Variants in GRIN3A observed in about 807,000 individuals in gnomAD.
The protein encoded by GRIN3A is glutamate ionotropic receptor NMDA type subunit 3A.
In GRIN3A, 47 loss-of-function variants were observed where a neutral mutation model predicts 92.4. The ratio of observed to expected loss-of-function variants is 0.51; its 90% CI spans 0.40 to 0.65. GRIN3A has a LOEUF of 0.65. GRIN3A is among the 30% of genes least tolerant of loss of function. The probability of loss-of-function intolerance (pLI) is 0.00; values close to 1 mark genes in which losing one functional copy is unlikely to be tolerated. For missense variants in GRIN3A, 1,324 were observed against 1,393.1 expected (o/e 0.95, Z 0.79); for synonymous variants, 527 against 540.6 (o/e 0.97, Z 0.35).
At chr9:101,684,242 A>G (rs1172897387) in intron 2 of GRIN3A, among the ~76,000 whole-genome samples, 1 of 148,150 alleles carries the variant, frequency 6.7e-6, no homozygotes, top group African/African-American at 2.5e-5. Flanking sequence ...AGCTGGGACT[A>G]CAGTCGCGGT....
chr9:101,617,984 T>G (rs1213077926), intron 5 of GRIN3A, among the ~76,000 whole-genome samples: 2 of 152,128 alleles, frequency 1.3e-5, no homozygotes, highest in East Asian at 3.9e-4. Context: ...AACTCATCAT[T>G]TTTTATGGCT....
intron 3 of GRIN3A, among the ~76,000 whole-genome samples, chr9:101,655,258 A>T (rs969904407): frequency 6.6e-6 from 1 of 151,904 alleles, no homozygotes; most frequent in Non-Finnish European, 1.5e-5. Context: ...CCTATTAGTC[A>T]TTTGGTACAT....
chr9:101,622,558 T>C (rs1188858780), intron 5 of GRIN3A, among the ~76,000 whole-genome samples: 1 of 152,220 alleles, frequency 6.6e-6, no homozygotes, highest in African/African-American at 2.4e-5. Context: ...AAAAATTTGC[T>C]GCCAGTGGAG....
At position 101,686,783 on chromosome 9, in the gene GRIN3A, C is replaced by A; in HGVS notation, c.1117G>T (p.Gly373Trp). The change falls in exon 2 of 9, where the codon GGG becomes TGG. Residue 373 changes from glycine to tryptophan, a missense_variant. By Grantham distance (184) the Gly-to-Trp change is radical (BLOSUM62 -2). Coordinates refer to ENST00000361820, the MANE Select transcript of GRIN3A (RefSeq NM_133445.3). The part of the protein sequence containing the change: ...EELRTEGLPL[G>W]LIAHGKTTQS... ...GTTGTTTTTCCATGAGCAATGAGCCCTAAGGGCAGACCCTCTGTCCTCAGT... is the reference window on the plus strand; with the variant it reads ...GTTGTTTTTCCATGAGCAATGAGCCATAAGGGCAGACCCTCTGTCCTCAGT... 6.2e-7 allele frequency: 1 copy of A among 1,614,142 alleles called. No homozygotes were observed. The highest frequency in any genetic ancestry group is 8.5e-7 in the Non-Finnish European group (1 of 1,180,000).
At chr9:101,614,630 T>G (rs1438943816) in intron 5 of GRIN3A, among the ~76,000 whole-genome samples, 1 of 140,938 alleles carries the variant, frequency 7.1e-6, no homozygotes, top group Admixed American at 7.0e-5. Flanking sequence ...TTTTTTTTTT[T>G]TTTTTTGGAG....
intron 3 of GRIN3A, among the ~76,000 whole-genome samples, chr9:101,628,782 A>C (rs1438865938): frequency 6.6e-6 from 1 of 152,222 alleles, no homozygotes; most frequent in Non-Finnish European, 1.5e-5. Context: ...GAATAACATA[A>C]AGGCCAAGTT....
intron 3 of GRIN3A, among the ~76,000 whole-genome samples, chr9:101,633,439 C>T (rs1828738839): frequency 6.6e-6 from 1 of 152,128 alleles, no homozygotes; most frequent in African/African-American, 2.4e-5. Context: ...ATGGAAGGGG[C>T]TTTGCAAGTC....
At chr9:101,623,638 T>A (rs936685358) in intron 4 of GRIN3A, among the ~76,000 whole-genome samples, 8 of 152,218 alleles carry the variant, frequency 5.3e-5, no homozygotes, top group Non-Finnish European at 7.3e-5. Flanking sequence ...TAAGACAGCA[T>A]GACATCTTTC....
At chr9:101,657,844 AATGGT>A (rs1251807257) in intron 3 of GRIN3A, among the ~76,000 whole-genome samples, 1 of 151,928 alleles carries the variant, frequency 6.6e-6, no homozygotes, top group Non-Finnish European at 1.5e-5. Context: ...TAGTGATGGT[AATGGT>A]GGTGGAGGTG....
intron 6 of GRIN3A, among the ~76,000 whole-genome samples, chr9:101,613,133 AG>A (rs1367195801): frequency 6.6e-6 from 1 of 152,218 alleles, no homozygotes; most frequent in East Asian, 1.9e-4. Context: ...TATGGGGAAA[AG>A]TAGAAATTTA....
intron 3 of GRIN3A, among the ~76,000 whole-genome samples, chr9:101,643,397 T>C (rs568360550): frequency 6.6e-6 from 1 of 152,020 alleles, no homozygotes; most frequent in Non-Finnish European, 1.5e-5. Flanking sequence ...AGTTGAATAA[T>C]AACAAGTGTT....
intron 1 of GRIN3A, among the ~76,000 whole-genome samples, chr9:101,733,489 A>G (rs879712620): frequency 1.3e-5 from 2 of 152,238 alleles, no homozygotes; most frequent in Non-Finnish European, 2.9e-5. Context: ...ATTAGATGCG[A>G]CTATCAGCTA....
intron 3 of GRIN3A, among the ~76,000 whole-genome samples, chr9:101,660,716 G>A (rs1231627388): frequency 2.6e-5 from 4 of 151,664 alleles, no homozygotes; most frequent in Non-Finnish European, 5.9e-5. Flanking sequence ...ACACCAAACA[G>A]AGCTGTCCAA....
chr9:101,658,717 T>G (rs1829124378), intron 3 of GRIN3A, among the ~76,000 whole-genome samples: 1 of 151,886 alleles, frequency 6.6e-6, no homozygotes, highest in African/African-American at 2.4e-5. Context: ...AATAACATCA[T>G]ATATTTTATA....
At chr9:101,657,663 C>G (rs780762346) in intron 3 of GRIN3A, among the ~76,000 whole-genome samples, 1 of 151,910 alleles carries the variant, frequency 6.6e-6, no homozygotes, top group Non-Finnish European at 1.5e-5. Flanking sequence ...GGAAGGGAAG[C>G]TGCCATTTCA....
At chr9:101,687,570 T>G (rs1350847641) in intron 1 of GRIN3A, among the ~76,000 whole-genome samples, 1 of 152,202 alleles carries the variant, frequency 6.6e-6, no homozygotes, top group African/African-American at 2.4e-5. Context: ...TTGTTAAACT[T>G]TGATCTCATA....
chr9:101,700,110 A>T (rs1829735422), intron 1 of GRIN3A, among the ~76,000 whole-genome samples: 2 of 152,248 alleles, frequency 1.3e-5, no homozygotes, highest in South Asian at 2.1e-4. Context: ...TAGTCTACTC[A>T]TCTCTCTCCT....
intron 2 of GRIN3A, among the ~76,000 whole-genome samples, chr9:101,676,653 C>T (rs1013817008): frequency 5.3e-5 from 8 of 151,944 alleles, no homozygotes; most frequent in Non-Finnish European, 1.2e-4. Flanking sequence ...CTCAAACTCC[C>T]TTCCTACCAG....
At chr9:101,719,292 G>A (rs954548860) in intron 1 of GRIN3A, among the ~76,000 whole-genome samples, 14 of 152,058 alleles carry the variant, frequency 9.2e-5, no homozygotes, top group Admixed American at 3.3e-4. Flanking sequence ...GGTGGCATGC[G>A]CCTGTAATTC....
Sources: allele counts gnomAD v4.1 joint callset (sites outside exome capture counted in the v4.1 genomes callset), GRCh38; gene constraint gnomAD v4.1.1; transcripts MANE v1.5; gene names NCBI Gene and HGNC (gene_info 2026-07-23, HGNC 2026-07-21).